PTPRT: variants seen among roughly 807,000 people sequenced by gnomAD.
PTPRT encodes protein tyrosine phosphatase receptor type T, also known as receptor-type tyrosine-protein phosphatase T.
PTPRT carries 56 observed loss-of-function variants against 176.8 expected under a neutral mutation model. The ratio of observed to expected loss-of-function variants is 0.32; its 90% CI spans 0.26 to 0.40. PTPRT has a LOEUF of 0.40. Among genes scored for constraint, PTPRT ranks in the 10% least tolerant of loss-of-function variants. The probability of loss-of-function intolerance (pLI) is 1.00; values close to 1 mark genes in which losing one functional copy is unlikely to be tolerated. For missense variants in PTPRT, 1,540 were observed against 1,908.2 expected, an observed-to-expected ratio of 0.81 and a Z score of 3.60; for synonymous variants, 783 against 739.0, an observed-to-expected ratio of 1.06 and a Z score of -0.96.
intron 17 of PTPRT, among the ~76,000 whole-genome samples, chr20:42,144,025 TGAA>T (rs1186873681): frequency 6.6e-6 from 1 of 152,174 alleles, no homozygotes; most frequent in African/African-American, 2.4e-5. Flanking sequence ...TCTTCTGTCT[TGAA>T]GAAGCCCTCA....
At chr20:42,343,592 A>G (rs2058144153) in intron 11 of PTPRT, among the ~76,000 whole-genome samples, 1 of 152,180 alleles carries the variant, frequency 6.6e-6, no homozygotes, top group Non-Finnish European at 1.5e-5. Context: ...GTCTGCTTGA[A>G]TTTATATTTC....
At chr20:43,001,802 A>C (rs1451704633) in intron 1 of PTPRT, among the ~76,000 whole-genome samples, 1 of 152,214 alleles carries the variant, frequency 6.6e-6, no homozygotes, top group Non-Finnish European at 1.5e-5. Flanking sequence ...TCCACAATAA[A>C]GATATAAGTG....
At chr20:42,665,158 A>G (rs1436434805) in intron 7 of PTPRT, among the ~76,000 whole-genome samples, 9 of 152,150 alleles carry the variant, frequency 5.9e-5, no homozygotes, top group Middle Eastern at 6.8e-3. Context: ...CAGAGTGAAC[A>G]GGCAACCTAC....
intron 1 of PTPRT, among the ~76,000 whole-genome samples, chr20:42,927,439 G>A (rs148175768): frequency 1.2e-4 from 18 of 152,302 alleles, no homozygotes; most frequent in Admixed American, 2.6e-4. Flanking sequence ...GCGCATGCCC[G>A]TAATCCAAGC....
intron 7 of PTPRT, among the ~76,000 whole-genome samples, chr20:42,676,201 AT>A (rs2075498729): frequency 6.6e-6 from 1 of 152,220 alleles, no homozygotes; most frequent in African/African-American, 2.4e-5. Context: ...TTTCACGTGC[AT>A]AAAATTGTGC....
chr20:42,069,592 T>C (rs1212828763), downstream of PTPRT, among the ~76,000 whole-genome samples: 5 of 152,214 alleles, frequency 3.3e-5, no homozygotes, highest in Non-Finnish European at 1.5e-5. Flanking sequence ...TAAAGTAATA[T>C]AACATTTATA....
chr20:42,104,480 T>A, intron 25 of PTPRT, 89 bp downstream of exon 25: 1 of 1,389,472 alleles, frequency 7.2e-7, no homozygotes, highest in Non-Finnish European at 9.9e-7. Context: ...TGAATAAGTG[T>A]CTGTCATTTA....
intron 1 of PTPRT, among the ~76,000 whole-genome samples, chr20:43,167,818 A>G (rs1189326718): frequency 6.6e-6 from 1 of 152,170 alleles, no homozygotes; most frequent in Non-Finnish European, 1.5e-5. Flanking sequence ...AAGAAACTCA[A>G]TGCTGCCAAC....
chr20:43,171,270 A>T lies in PTPRT; in HGVS notation c.88+18376T>A, dbSNP rs934920860. On this transcript the variant is annotated intron_variant, in intron 1 of 30. Transcript: ENST00000373187. ...AACACAGAATCTTCGATTCAAGATT[A>T]AAATTGCTGAAAGTATCCTAGAAAT... 2.6e-5 allele frequency among the ~76,000 whole-genome samples: 4 copies of T among 152,242 alleles called. No individual in the cohort carries two copies. In the South Asian group the frequency reaches 8.3e-4, roughly 31 times the overall value.
At chr20:42,275,275 C>A (rs754700680) in intron 13 of PTPRT, among the ~76,000 whole-genome samples, 1 of 152,188 alleles carries the variant, frequency 6.6e-6, no homozygotes, top group Non-Finnish European at 1.5e-5. Context: ...GAGCTTTATT[C>A]TCTTTATTTA....
chr20:42,062,824 C>T, the PTPRT span, among the ~76,000 whole-genome samples: 1 of 152,208 alleles, frequency 6.6e-6, no homozygotes, highest in Non-Finnish European at 1.5e-5. Flanking sequence ...TCTCCTTGTC[C>T]TGCTTCAAAA....
intron 19 of PTPRT, among the ~76,000 whole-genome samples, chr20:42,120,528 T>C (rs549601328): frequency 2.0e-5 from 3 of 152,338 alleles, no homozygotes; most frequent in East Asian, 3.9e-4. Context: ...GAAGACCTTA[T>C]GGAAGGCTGA....
At chr20:43,083,329 T>TATATATATAC (rs1568773911) in intron 1 of PTPRT, among the ~76,000 whole-genome samples, 1 of 72,808 alleles carries the variant, frequency 1.4e-5, no homozygotes, top group Non-Finnish European at 2.4e-5. Flanking sequence ...TGTATATATA[T>TATATATATAC]ATATATATAT....
chr20:42,879,261 T>G (rs896618417), intron 2 of PTPRT, among the ~76,000 whole-genome samples: 3 of 152,172 alleles, frequency 2.0e-5, no homozygotes, highest in Non-Finnish European at 4.4e-5. Context: ...ATCAGGGTAT[T>G]GGCAGGGCCA....
intron 13 of PTPRT, among the ~76,000 whole-genome samples, chr20:42,259,904 C>T (rs1448223923): frequency 6.6e-6 from 1 of 152,176 alleles, no homozygotes; most frequent in Non-Finnish European, 1.5e-5. Flanking sequence ...TATCCATTAC[C>T]TTGGTCTCAT....
rs531630157 is a variant in PTPRT, at chr20:42,743,814, C to T, written c.859+12648G>A. On this transcript the variant is annotated intron_variant, in intron 6 of 30. Transcript: ENST00000373187. ...CACAGCCACCCCAACTGTTGAGATACGGCTGTTTTCGGCATCTGCTTCCTG... is the reference window on the plus strand; with the variant it reads ...CACAGCCACCCCAACTGTTGAGATATGGCTGTTTTCGGCATCTGCTTCCTG... 9.6e-4 allele frequency among the ~76,000 whole-genome samples: 146 copies of T among 152,320 alleles called. 3 individuals carry two copies. Among genetic ancestry groups the T allele is most frequent in the African/African-American group, 1.4e-3 (58 of 41,570 alleles).
At chr20:42,391,269 G>A (rs775674062) in intron 9 of PTPRT, among the ~76,000 whole-genome samples, 11 of 152,206 alleles carry the variant, frequency 7.2e-5, no homozygotes, top group Non-Finnish European at 1.2e-4. Flanking sequence ...CAGGAAAGGA[G>A]GAGGAGACTT....
chr20:43,026,935 T>C (rs1275741078), intron 1 of PTPRT, among the ~76,000 whole-genome samples: 1 of 152,204 alleles, frequency 6.6e-6, no homozygotes, highest in Non-Finnish European at 1.5e-5. Flanking sequence ...CAGTACTCCA[T>C]TGTGTATATG....
chr20:42,996,027 C>T (rs182227455), intron 1 of PTPRT, among the ~76,000 whole-genome samples: 6 of 152,030 alleles, frequency 3.9e-5, no homozygotes, highest in African/African-American at 1.4e-4. Flanking sequence ...GAGACAGAGC[C>T]TCACTATGTT....
Sources: gnomAD v4.1 joint callset for allele counts (sites outside exome capture counted in the v4.1 genomes callset) on GRCh38, gnomAD v4.1.1 for gene constraint, MANE v1.5 for transcripts, NCBI Gene and HGNC (gene_info 2026-07-23, HGNC 2026-07-21) for gene names.